Variants in IGSF11 observed in about 807,000 individuals in gnomAD.
IGSF11 encodes the protein CXADR like 1.
Under a neutral mutation model 41.0 loss-of-function variants are expected in IGSF11, and 22 were observed. The ratio of observed to expected loss-of-function variants is 0.54; its 90% confidence interval spans 0.38 to 0.77. The LOEUF (loss-of-function observed/expected upper bound fraction) is 0.77, where lower values mean the gene tolerates loss of function less well. IGSF11 is among the 30% of genes least tolerant of loss of function. The probability of loss-of-function intolerance (pLI) is 0.00; values close to 1 mark genes in which losing one functional copy is unlikely to be tolerated. For synonymous variants in IGSF11, 219 were observed against 201.3 expected, an observed-to-expected ratio of 1.09 and a Z score of -0.74; for missense variants, 444 against 530.8, an observed-to-expected ratio of 0.84 and a Z score of 1.61.
At chr3:118,931,426 G>A (rs993357689) in intron 1 of IGSF11, among the ~76,000 whole-genome samples, 2 of 152,144 alleles carry the variant, frequency 1.3e-5, no homozygotes, top group African/African-American at 4.8e-5. Context: ...CTGGTGAATG[G>A]ACAAACAAAA....
intron 1 of IGSF11, 123 bp from the exon 2 acceptor site, chr3:118,930,398 A>T: frequency 1.6e-5 from 15 of 929,998 alleles, no homozygotes; most frequent in East Asian, 2.9e-5. Flanking sequence ...GACTGACATG[A>T]TAGTCTTAAC....
At chr3:118,984,056 T>C (rs753556360) in intron 1 of IGSF11, among the ~76,000 whole-genome samples, 34 of 152,072 alleles carry the variant, frequency 2.2e-4, no homozygotes, top group Non-Finnish European at 4.0e-4. Flanking sequence ...TCTAGATTCA[T>C]TCAGCCCCCT....
chr3:119,001,359 G>A (rs1289471318), intron 1 of IGSF11, among the ~76,000 whole-genome samples: 1 of 151,314 alleles, frequency 6.6e-6, no homozygotes, highest in African/African-American at 2.4e-5. Flanking sequence ...CTTTTTGCTT[G>A]GCTTCTAGTG....
chr3:119,120,678 C>T (rs983905978), intron 1 of IGSF11, among the ~76,000 whole-genome samples: 14 of 152,164 alleles, frequency 9.2e-5, no homozygotes, highest in African/African-American at 3.4e-4. Context: ...ACAAATGTGG[C>T]TTCTACCTGG....
At chr3:119,068,824 TAA>T (rs902811602) in intron 1 of IGSF11, among the ~76,000 whole-genome samples, 1 of 151,538 alleles carries the variant, frequency 6.6e-6, no homozygotes, top group Non-Finnish European at 1.5e-5. Flanking sequence ...TTATTTATTC[TAA>T]AAAAGAGATC....
At chr3:119,063,287 C>T (rs1006827875) in intron 1 of IGSF11, among the ~76,000 whole-genome samples, 7 of 152,052 alleles carry the variant, frequency 4.6e-5, no homozygotes, top group South Asian at 2.1e-4. Context: ...AAGAATTCCC[C>T]GAAGACATAA....
At chr3:118,965,698 A>C (rs1576500839) in intron 1 of IGSF11, among the ~76,000 whole-genome samples, 2 of 152,266 alleles carry the variant, frequency 1.3e-5, no homozygotes, top group East Asian at 3.9e-4. Context: ...ATACATTAAA[A>C]ATTTAGCAGA....
intron 1 of IGSF11, among the ~76,000 whole-genome samples, chr3:119,080,434 T>C (rs1355271941): frequency 1.3e-5 from 2 of 152,174 alleles, no homozygotes; most frequent in African/African-American, 2.4e-5. Flanking sequence ...TATGACAGTG[T>C]GCAAAAAAGT....
chr3:119,109,885 T>C (rs2077114692), upstream of IGSF11, among the ~76,000 whole-genome samples: 2 of 152,210 alleles, frequency 1.3e-5, no homozygotes, highest in Non-Finnish European at 2.9e-5. Context: ...TCAGTTTCCA[T>C]GTAGTTGAGC....
At chr3:119,043,013 A>G (rs1941180544) in intron 1 of IGSF11, among the ~76,000 whole-genome samples, 1 of 152,134 alleles carries the variant, frequency 6.6e-6, no homozygotes, top group African/African-American at 2.4e-5. Context: ...AGGGAATGGA[A>G]TCTTGGCTCA....
At chr3:118,994,727 C>T (rs1936105741) in intron 1 of IGSF11, among the ~76,000 whole-genome samples, 1 of 152,208 alleles carries the variant, frequency 6.6e-6, no homozygotes, top group South Asian at 2.1e-4. Context: ...AAGACAGATA[C>T]ATATGCCCAT....
chr3:119,120,581 A>G (rs2077318634), intron 1 of IGSF11, among the ~76,000 whole-genome samples: 1 of 152,248 alleles, frequency 6.6e-6, no homozygotes, highest in African/African-American at 2.4e-5. Flanking sequence ...TGATTGATCT[A>G]CATAGGGATC....
chr3:119,084,576 TA>T (rs1187068290), intron 1 of IGSF11, among the ~76,000 whole-genome samples: 1 of 152,106 alleles, frequency 6.6e-6, no homozygotes, highest in Non-Finnish European at 1.5e-5. Context: ...ATCTCCCAGC[TA>T]ATCACCAGGA....
rs1262124985 is a variant in IGSF11 at position 118,904,696 on chromosome 3, C to T, written c.806G>A (p.Arg269Lys). Residue 269 changes from arginine to lysine, a missense_variant, in exon 6 of 7, where the codon AGA becomes AAA. Physicochemically the swap from Arg to Lys is conservative, Grantham distance 26 (BLOSUM62 2). Coordinates refer to ENST00000393775, the MANE Select transcript of IGSF11 (RefSeq NM_001015887.3). ...ALILGAFFYW[R>K]SKNKEEEEEE... The stretch of plus-strand genomic sequence containing the variant: ...TTCTTCCTCCTCTTTATTTTTGCTT[C>T]TCCAGTAAAAGAATGCCCCTAAAAT... The T allele has an allele frequency of 6.2e-7, 1 of 1,611,810 alleles. No homozygotes were observed.
intron 1 of IGSF11, among the ~76,000 whole-genome samples, chr3:118,974,893 CAAGA>C (rs551345448): frequency 1.3e-5 from 2 of 151,174 alleles, no homozygotes; most frequent in Non-Finnish European, 2.9e-5. Context: ...ACCATGGTGA[CAAGA>C]AAGCAACATA....
intron 1 of IGSF11, among the ~76,000 whole-genome samples, chr3:118,991,866 C>A (rs1463647221): frequency 6.6e-6 from 1 of 152,206 alleles, no homozygotes; most frequent in Admixed American, 6.5e-5. Context: ...AGAACAGAAT[C>A]ACTTAATACC....
chr3:118,933,657 G>A (rs533332868), intron 1 of IGSF11, among the ~76,000 whole-genome samples: 28 of 151,954 alleles, frequency 1.8e-4, no homozygotes, highest in Admixed American at 1.4e-3. Context: ...AAACCCAGGC[G>A]GTTAGTCTAT....
intron 4 of IGSF11, 65 bp downstream of exon 4, chr3:118,926,036 T>C: frequency 8.3e-7 from 1 of 1,208,760 alleles, no homozygotes; most frequent in African/African-American, 1.5e-5. Flanking sequence ...TAAAGTTAAT[T>C]ACTTTTTGAA....
Position 118,928,496 on chromosome 3 carries a change from T to C in IGSF11, c.424+13A>G. 6.2e-7 allele frequency: 1 copy of C among 1,608,434 alleles called. No homozygotes were observed. The highest frequency in any genetic ancestry group is 8.5e-7 in the Non-Finnish European group (1 of 1,176,408). ...GTAAAGCCCGAACAGCCAAGGACTCTTGTGTCACTCACCTAACACTGTGAG... is the reference window on the plus strand; with the variant it reads ...GTAAAGCCCGAACAGCCAAGGACTCCTGTGTCACTCACCTAACACTGTGAG... On this transcript the variant is annotated intron_variant, in intron 3 of 6. Coordinates refer to ENST00000393775, the MANE Select transcript of IGSF11 (RefSeq NM_001015887.3).
Sources: gnomAD v4.1 joint callset for allele counts (sites outside exome capture counted in the v4.1 genomes callset) on GRCh38, gnomAD v4.1.1 for gene constraint, MANE v1.5 for transcripts, NCBI Gene and HGNC (gene_info 2026-07-23, HGNC 2026-07-21) for gene names.